Variants in BCAN observed in about 807,000 individuals in gnomAD.
The protein encoded by BCAN is brevican core protein.
Under a neutral mutation model 92.4 loss-of-function variants are expected in BCAN, and 51 were observed. That is an observed-to-expected ratio of 0.55 (90% CI 0.44 to 0.70). BCAN has a LOEUF of 0.70. Ranked by LOEUF, BCAN falls within the 30% of genes least tolerant of loss-of-function variation. BCAN has a pLI of 0.00. For missense variants in BCAN, 1,140 were observed against 1,212.1 expected (o/e 0.94, Z 0.88); for synonymous variants, 501 against 505.2 (o/e 0.99, Z 0.11).
chr1:156,651,422 T>C (rs1679159787), intron 6 of BCAN, 34 bp from the exon 7 acceptor site: 1 of 1,571,126 alleles, frequency 6.4e-7, no homozygotes, highest in African/African-American at 1.4e-5. Context: ...AGCTACCTAT[T>C]CAGGCTCGCA....
At chr1:156,653,293 G>C in intron 8 of BCAN, 1 of 1,106,768 alleles carries the variant, frequency 9.0e-7, no homozygotes, top group Non-Finnish European at 1.1e-6. Flanking sequence ...GTCCCCTTTA[G>C]CTGCCTCCTA....
At chr1:156,654,710 A>G (rs185378404) in intron 8 of BCAN, among the ~76,000 whole-genome samples, 95 of 152,308 alleles carry the variant, frequency 6.2e-4, no homozygotes, top group Non-Finnish European at 2.5e-4. Flanking sequence ...AGGAGCAGAA[A>G]GGACAACAGG....
chr1:156,658,709 G>A lies in BCAN; in HGVS notation c.2604G>A (p.Gln868=), dbSNP rs1679426396. The part of the protein sequence containing the change: ...CQENGRWEAP[Q]ISCVPRRPAR... ...AGAACGGTCGTTGGGAGGCCCCCCA[G>A]ATCTCCTGTGTGCCCAGAAGACCTG... The change falls in exon 13 of 14, where the codon CAG becomes CAA. Residue 868 remains glutamine, a synonymous_variant. Coordinates refer to ENST00000329117, the MANE Select transcript of BCAN (RefSeq NM_021948.5). The surrounding 1 kb of genome is among the most constrained non-coding windows in gnomAD (Gnocchi z 4.4). The A allele has an allele frequency of 1.2e-6, 2 of 1,613,974 alleles. No individual in the cohort carries two copies. Among genetic ancestry groups the A allele is most frequent in the African/African-American group, 1.3e-5 (1 of 74,938 alleles).
intron 1 of BCAN, 136 bp from the exon 2 acceptor site, chr1:156,645,911 A>T: frequency 1.7e-6 from 1 of 600,730 alleles, no homozygotes; most frequent in Non-Finnish European, 2.8e-6. Flanking sequence ...TCAGAAACAG[A>T]GAGTCCATGG....
chr1:156,657,737 T>G lies in BCAN; in HGVS notation c.2272T>G (p.Trp758Gly). 6.2e-7 allele frequency: 1 copy of G among 1,612,304 alleles called. No individual in the cohort carries two copies. The highest frequency in any genetic ancestry group is 1.3e-5 in the African/African-American group (1 of 74,874). ...CAGGACCATCGAAGGCGACTTCTTG[T>G]GGTCGGATGGCGTCCCCCTGGTGAG... ...NDRTIEGDFL[W>G]SDGVPLLYEN... Residue 758 changes from tryptophan to glycine, a missense_variant, in exon 11 of 14, where the codon TGG becomes GGG. Trp to Gly is a radical substitution (Grantham distance 184). Coordinates refer to ENST00000329117, the MANE Select transcript of BCAN (RefSeq NM_021948.5).
At position 156,642,271 on chromosome 1, in the gene BCAN, G is replaced by C. The variant is rs1463465449; in HGVS notation, c.-13G>C. ...GTGCCGCGACCCAACCCCAGCCCTG[G>C]GTAGGTGAGTGCCTCCGCAGCCCCG... is the stretch of plus-strand genomic sequence containing the variant. On this transcript the variant is annotated 5_prime_UTR_variant, in exon 1 of 14. Transcript: ENST00000329117. The surrounding 1 kb of genome is among the most constrained non-coding windows in gnomAD (Gnocchi z 4.2). 6.6e-6 allele frequency: 1 copy of C among 152,532 alleles called. No individual in the cohort carries two copies. The highest frequency in any genetic ancestry group is 2.4e-5 in the African/African-American group (1 of 41,454). 9.4% of individuals were successfully genotyped at this position (152,532 alleles called of 1,614,324 possible).
chr1:156,650,442 C>T (rs898071144), intron 6 of BCAN, among the ~76,000 whole-genome samples: 30 of 152,178 alleles, frequency 2.0e-4, no homozygotes, highest in African/African-American at 7.0e-4. Context: ...TCCACCTTCA[C>T]TTCATTGGTT....
intron 6 of BCAN, among the ~76,000 whole-genome samples, chr1:156,650,888 A>G (rs1004117865): frequency 6.6e-6 from 1 of 152,226 alleles, no homozygotes; most frequent in Non-Finnish European, 1.5e-5. Context: ...GGTTGCAATG[A>G]GCTGGGATCG....
chr1:156,658,376 G>T lies in BCAN; in HGVS notation c.2437+105G>T. The T allele has an allele frequency of 6.6e-7, 1 of 1,504,828 alleles. No homozygotes were observed. 93.2% of individuals were successfully genotyped at this position (1,504,828 alleles called of 1,614,324 possible). A position where few individuals can be genotyped will look rare whatever the true frequency, so the allele number is the denominator to read the frequency against. On this transcript the variant is annotated intron_variant, in intron 12 of 13. Transcript: ENST00000329117. This position sits in a 1 kb window ranked among gnomAD's most constrained non-coding sequence, Gnocchi z 4.4. ...AGAGAGTGCAAAGCAACATAGAGGAGTCAGAACGTGTTCCAGACCATGGGA... is the reference window on the plus strand; with the variant it reads ...AGAGAGTGCAAAGCAACATAGAGGATTCAGAACGTGTTCCAGACCATGGGA...
At position 156,652,339 on chromosome 1, in the gene BCAN, A is replaced by C. The variant is rs1679192013; in HGVS notation, c.1389A>C (p.Glu463Asp). Residue 463 changes from glutamate (E) to aspartate (D), a missense_variant, in exon 8 of 14, where the codon GAA (glutamate) becomes GAC (aspartate). Transcript: ENST00000329117. ...AAGAAGAGAAATATGAAGATGAAGA[A>C]GAGAAAGAGGAGGAAGAAGAAGAGG... ...LEEEEKYEDE[E>D]EKEEEEEEEE... The C allele has an allele frequency of 6.2e-7, 1 of 1,614,080 alleles. No homozygotes were observed.
In BCAN at chr1:156,658,214, C is replaced by A. The variant is rs780478559; in HGVS notation, c.2380C>A (p.Gln794Lys). Residue 794 changes from glutamine (Q) to lysine (K), a missense_variant, in exon 12 of 14, where the codon CAA (glutamine) becomes AAA (lysine). Transcript: ENST00000329117. This position sits in a 1 kb window ranked among gnomAD's most constrained non-coding sequence, Gnocchi z 4.4. ...CVVMVWHDQG[Q>K]WSDVPCNYHL... ...GGTCATGGTGTGGCATGATCAGGGA[C>A]AATGGAGTGACGTGCCCTGCAACTA... 1.1e-5 allele frequency: 18 copies of A among 1,614,006 alleles called. No individual in the cohort carries two copies. The African/African-American group carries it at 2.4e-4, about 22-fold the overall frequency.
chr1:156,646,475 C>T, intron 2 of BCAN: 1 of 495,862 alleles, frequency 2.0e-6, no homozygotes. Context: ...GGCTGGAGGA[C>T]TCAGGGGGCG....
At position 156,647,199 on chromosome 1, in the gene BCAN, AGGGAGGGAGGGAGGGAG is replaced by A; in HGVS notation, c.466+27_466+43del. On this transcript the variant is annotated intron_variant, in intron 3 of 13. Coordinates refer to ENST00000329117, the MANE Select transcript of BCAN (RefSeq NM_021948.5). This position sits in a 1 kb window ranked among gnomAD's most constrained non-coding sequence, Gnocchi z 4.8. ...AGGTGAGAGGGCAGGGAGGTTCCAG[AGGGAGGGAGGGAGGGAG>A]GGAAGGGAGGACTCTTGCCTTCGGG... The A allele has an allele frequency of 6.1e-6, 1 of 164,948 alleles. No homozygotes were observed. The highest frequency in any genetic ancestry group is 1.3e-5 in the Non-Finnish European group (1 of 79,210). The allele number at this position is 164,948 out of a possible 1,614,324, so 10.2% of individuals were successfully genotyped here. A position where few individuals can be genotyped will look rare whatever the true frequency, so the allele number is the denominator to read the frequency against.
chr1:156,651,724 T>G, intron 7 of BCAN, 35 bp downstream of exon 7: 1 of 1,550,906 alleles, frequency 6.4e-7, no homozygotes, highest in Non-Finnish European at 8.7e-7. Context: ...GATGTCTTGA[T>G]TGAAAGAAGT....
chr1:156,643,689 T>C (rs1199206441), intron 1 of BCAN: 1 of 138,388 alleles, frequency 7.2e-6, no homozygotes, highest in African/African-American at 2.7e-5. Context: ...ACTCTCTGGG[T>C]TGGGTCTATG....
Position 156,645,168 on chromosome 1 carries a change from A to T in BCAN, c.-8-879A>T, listed in dbSNP as rs1391536423. ...TAGGAAGGGGTAGCCCCTCCCATTT[A>T]TTCTCCCCCCCCTTAGTCCACCCTC... On this transcript the variant is annotated intron_variant, in intron 1 of 13. Transcript: ENST00000329117. 2.8e-5 allele frequency among the ~76,000 whole-genome samples: 4 copies of T among 145,366 alleles called. No individual in the cohort carries two copies. The East Asian group carries it at 5.8e-4, about 21-fold the overall frequency.
At position 156,656,943 on chromosome 1, in the gene BCAN, C is replaced by T; in HGVS notation, c.2056C>T (p.Arg686Cys). Residue 686 changes from arginine (R) to cysteine (C), a missense_variant, in exon 10 of 14, where the codon CGC becomes TGC. This residue lies in a region of BCAN where 825 missense variants were observed against 871.8 expected (regional missense o/e 0.95). Transcript: ENST00000329117. ...CCCGCCCTTATGTGCCGCAGGCCTC[C>T]GCTTCTGCAACCCCGGCTGGGACGC... ...YGGDLCDVGL[R>C]FCNPGWDAFQ... The T allele has an allele frequency of 6.2e-7, 1 of 1,613,612 alleles. No individual in the cohort carries two copies. Among genetic ancestry groups the T allele is most frequent in the Non-Finnish European group, 8.5e-7 (1 of 1,179,596 alleles).
At position 156,647,376 on chromosome 1, in the gene BCAN, A is replaced by T; in HGVS notation, c.467-132A>T. ...GGACATTCTACCCACAATCTAACTTAAGTCCCTCATGCTGTAGAGTGAGCA... is the reference window on the plus strand; with the variant it reads ...GGACATTCTACCCACAATCTAACTTTAGTCCCTCATGCTGTAGAGTGAGCA... On this transcript the variant is annotated intron_variant, in intron 3 of 13. Transcript: ENST00000329117. This position sits in a 1 kb window ranked among gnomAD's most constrained non-coding sequence, Gnocchi z 4.8. 1 of 1,137,684 alleles carries T rather than the reference A, an allele frequency of 8.8e-7. No individual in the cohort carries two copies. The highest frequency in any genetic ancestry group is 1.2e-6 in the Non-Finnish European group (1 of 812,844). The allele number at this position is 1,137,684 out of a possible 1,614,324, so 70.5% of individuals were successfully genotyped here. A position where few individuals can be genotyped will look rare whatever the true frequency, so the allele number is the denominator to read the frequency against.
At chr1:156,654,537 G>C (rs921444435) in intron 8 of BCAN, among the ~76,000 whole-genome samples, 2 of 152,184 alleles carry the variant, frequency 1.3e-5, no homozygotes, top group South Asian at 4.1e-4. Flanking sequence ...CCCCAAAAAG[G>C]GAGAGGGAAA....
Sources: gnomAD v4.1 joint callset for allele counts (sites outside exome capture counted in the v4.1 genomes callset) on GRCh38, gnomAD v4.1.1 for gene constraint, gnomAD v4.1.1 regional missense constraint, Gnocchi (gnomAD v3.1) non-coding constraint, MANE v1.5 for transcripts, NCBI Gene and HGNC (gene_info 2026-07-23, HGNC 2026-07-21) for gene names.